CSMD3: variants seen among roughly 807,000 people sequenced by gnomAD.
CSMD3 encodes the protein CUB and Sushi multiple domains 3, also known as CUB and sushi domain-containing protein 3.
Under a neutral mutation model 435.2 loss-of-function variants are expected in CSMD3, and 177 were observed. That is an observed-to-expected ratio of 0.41 (90% CI 0.36 to 0.46). CSMD3 has a LOEUF of 0.46. Among genes scored for constraint, CSMD3 ranks in the 20% least tolerant of loss-of-function variants. The pLI is 0.34. For synonymous variants in CSMD3, 1,656 were observed against 1,520.5 expected, an observed-to-expected ratio of 1.09 and a Z score of -2.07; for missense variants, 4,265 against 4,504.6, an observed-to-expected ratio of 0.95 and a Z score of 1.52.
At position 112,263,647 on chromosome 8, in the gene CSMD3, T is replaced by C; in HGVS notation, c.9854A>G (p.Gln3285Arg). ...GNGTWSGEVP[Q>R]CLPKFCGDPG... Reference sequence around the variant, plus strand: ...GTAGAAATCATACTTACGTAAGCACTGCGGTACTTCACCACTCCAGGTACC... The same window carrying C: ...GTAGAAATCATACTTACGTAAGCACCGCGGTACTTCACCACTCCAGGTACC... Residue 3285 changes from glutamine to arginine, a missense_variant, in exon 61 of 71, where the codon CAG becomes CGG. Coordinates refer to ENST00000297405, the MANE Select transcript of CSMD3 (RefSeq NM_198123.2). 1.2e-6 allele frequency: 2 copies of C among 1,613,204 alleles called. No individual in the cohort carries two copies. Among genetic ancestry groups the C allele is most frequent in the Non-Finnish European group, 1.7e-6 (2 of 1,179,464 alleles).
intron 5 of CSMD3, among the ~76,000 whole-genome samples, chr8:113,046,782 C>T (rs1486892434): frequency 6.6e-6 from 1 of 152,160 alleles, no homozygotes; most frequent in Non-Finnish European, 1.5e-5. Context: ...CTGGAAATTT[C>T]TGAATCCCAG....
intron 43 of CSMD3, 82 bp downstream of exon 43, chr8:112,337,461 G>C: frequency 9.6e-7 from 1 of 1,039,746 alleles, no homozygotes; most frequent in East Asian, 2.4e-5. Flanking sequence ...GCTATTGGAA[G>C]AGGAAGACAA....
chr8:112,856,887 AG>A (rs1343458319), intron 11 of CSMD3, among the ~76,000 whole-genome samples: 8 of 151,942 alleles, frequency 5.3e-5, no homozygotes, highest in Admixed American at 3.9e-4. Context: ...CCTTCTGAAA[AG>A]GGTTCCAAGG....
intron 41 of CSMD3, among the ~76,000 whole-genome samples, chr8:112,343,502 C>G (rs1016282733): frequency 6.6e-6 from 1 of 152,128 alleles, no homozygotes; most frequent in African/African-American, 2.4e-5. Flanking sequence ...GCCAGTCACA[C>G]AGTGTTCAGG....
intron 6 of CSMD3, among the ~76,000 whole-genome samples, chr8:112,982,717 C>A (rs1042494608): frequency 2.6e-5 from 4 of 151,844 alleles, no homozygotes; most frequent in Non-Finnish European, 2.9e-5. Context: ...GAGGCCTTAT[C>A]CCCTATTTCT....
chr8:112,692,920 T>C (rs1343662879), intron 13 of CSMD3, among the ~76,000 whole-genome samples: 1 of 49,300 alleles, frequency 2.0e-5, no homozygotes, highest in Non-Finnish European at 3.9e-5. Context: ...TTTATATCTA[T>C]CTATCTATCT....
intron 27 of CSMD3, among the ~76,000 whole-genome samples, chr8:112,532,092 A>G (rs1825596505): frequency 6.9e-6 from 1 of 145,522 alleles, no homozygotes; most frequent in Non-Finnish European, 1.5e-5. Flanking sequence ...GATGAATGCA[A>G]AAATGCATTA....
At chr8:113,033,871 G>A (rs2087229394) in intron 5 of CSMD3, among the ~76,000 whole-genome samples, 2 of 151,362 alleles carry the variant, frequency 1.3e-5, no homozygotes, top group South Asian at 2.1e-4. Flanking sequence ...GGAGGTGATT[G>A]GATCATGGGG....
chr8:112,969,043 G>T (rs1203091148), intron 7 of CSMD3, among the ~76,000 whole-genome samples: 1 of 151,798 alleles, frequency 6.6e-6, no homozygotes, highest in Non-Finnish European at 1.5e-5. Context: ...ATTAGTGATG[G>T]GCACATAATA....
intron 3 of CSMD3, among the ~76,000 whole-genome samples, chr8:113,181,115 A>C (rs1295186859): frequency 6.6e-6 from 1 of 152,004 alleles, no homozygotes; most frequent in Non-Finnish European, 1.5e-5. Flanking sequence ...TAAGAGCAAG[A>C]CAGTACTGTC....
At chr8:112,900,032 T>A (rs1184125748) in intron 10 of CSMD3, among the ~76,000 whole-genome samples, 1 of 151,196 alleles carries the variant, frequency 6.6e-6, no homozygotes, top group African/African-American at 2.4e-5. Context: ...TTTCTCTGAC[T>A]TGCTACAAGT....
At chr8:113,092,894 T>C (rs2090050504) in intron 5 of CSMD3, among the ~76,000 whole-genome samples, 2 of 152,232 alleles carry the variant, frequency 1.3e-5, no homozygotes, top group South Asian at 2.1e-4. Flanking sequence ...TTGGTTTTTG[T>C]TTGCATTTTG....
chr8:112,812,766 A>G (rs2079262722), intron 12 of CSMD3, among the ~76,000 whole-genome samples: 1 of 152,194 alleles, frequency 6.6e-6, no homozygotes, highest in Non-Finnish European at 1.5e-5. Context: ...GTTTATTTAC[A>G]GGCTGAGTAA....
intron 6 of CSMD3, among the ~76,000 whole-genome samples, chr8:113,002,810 A>G (rs1173355428): frequency 6.6e-6 from 1 of 152,182 alleles, no homozygotes; most frequent in Non-Finnish European, 1.5e-5. Context: ...ATCACCTGAT[A>G]TCTAACACAA....
At chr8:113,301,344 T>C (rs896043376) in intron 2 of CSMD3, among the ~76,000 whole-genome samples, 4 of 152,146 alleles carry the variant, frequency 2.6e-5, no homozygotes, top group Admixed American at 6.5e-5. Flanking sequence ...AAAATTTATA[T>C]GGCAAGATAA....
At chr8:112,232,632 T>A (rs2129914679) in intron 68 of CSMD3, among the ~76,000 whole-genome samples, 1 of 152,190 alleles carries the variant, frequency 6.6e-6, no homozygotes, top group South Asian at 2.1e-4. Context: ...TATTTTATAA[T>A]CAGCTATGAT....
At chr8:112,767,232 G>A (rs186396755) in intron 13 of CSMD3, among the ~76,000 whole-genome samples, 5 of 151,936 alleles carry the variant, frequency 3.3e-5, no homozygotes, top group Admixed American at 6.6e-5. Context: ...AAATGCCTCA[G>A]AAACAATATT....
chr8:113,050,171 G>A (rs1458208248), intron 5 of CSMD3, among the ~76,000 whole-genome samples: 1 of 151,910 alleles, frequency 6.6e-6, no homozygotes, highest in African/African-American at 2.4e-5. Context: ...AGAAGGCATA[G>A]ATCTGAGTAA....
intron 13 of CSMD3, 127 bp from the exon 14 acceptor site, chr8:112,690,177 C>A: frequency 2.8e-6 from 2 of 713,784 alleles, no homozygotes; most frequent in Admixed American, 2.6e-5. Flanking sequence ...ATATATTCTC[C>A]AATCTTTTTT....
Sources: allele counts gnomAD v4.1 joint callset (sites outside exome capture counted in the v4.1 genomes callset), GRCh38; gene constraint gnomAD v4.1.1; transcripts MANE v1.5; gene names NCBI Gene and HGNC (gene_info 2026-07-23, HGNC 2026-07-21).